The following RGPD1 variants were observed in gnomAD, a reference collection of about 807,000 sequenced individuals.
The protein encoded by RGPD1 is RANBP2 like and GRIP domain containing 1.
A neutral mutation model predicts 40.6 loss-of-function variants in RGPD1; 7 were observed. The observed-to-expected ratio is 0.17, with a 90% CI of 0.10 to 0.32. The LOEUF is 0.32. Among genes scored for constraint, RGPD1 ranks in the 10% least tolerant of loss-of-function variants. The pLI is 1.00. For synonymous variants in RGPD1, 24 were observed against 167.0 expected, an observed-to-expected ratio of 0.14 and a Z score of 6.60; for missense variants, 50 against 472.5, an observed-to-expected ratio of 0.11 and a Z score of 8.29.
upstream of RGPD1, chr2:86,913,672 T>G (rs1263388562): frequency 1.8e-5 from 24 of 1,298,118 alleles, no homozygotes; most frequent in East Asian, 7.8e-4. Flanking sequence ...CCCGGCCGAG[T>G]GCAGCTGGAG....
intron 1 of RGPD1, among the ~76,000 whole-genome samples, chr2:86,919,770 AAATAT>A (rs1406169790): frequency 7.5e-6 from 1 of 133,306 alleles, no homozygotes; most frequent in Admixed American, 7.7e-5. Flanking sequence ...TCACTTAATT[AAATAT>A]AATATACTGT....
chr2:86,943,053 C>T (rs886700243), intron 1 of RGPD1, among the ~76,000 whole-genome samples: 8 of 151,062 alleles, frequency 5.3e-5, no homozygotes, highest in Non-Finnish European at 7.4e-5. Flanking sequence ...TATGCTGCGG[C>T]GGAGGTCGTA....
intron 1 of RGPD1, among the ~76,000 whole-genome samples, chr2:86,945,327 A>G: frequency 6.6e-6 from 1 of 152,226 alleles, no homozygotes; most frequent in East Asian, 1.9e-4. Flanking sequence ...ACTTTGGAAC[A>G]TGTGAAGCTA....
At chr2:86,948,994 AC>A (rs1426776384) in intron 1 of RGPD1, among the ~76,000 whole-genome samples, 1 of 111,984 alleles carries the variant, frequency 8.9e-6, no homozygotes, top group African/African-American at 3.5e-5. Context: ...CGTTGCTGGT[AC>A]AGTAGTCCCT....
At chr2:86,939,300 G>C (rs1679559036), upstream of RGPD1, among the ~76,000 whole-genome samples, 1 of 146,064 alleles carries the variant, frequency 6.8e-6, no homozygotes, top group Admixed American at 6.8e-5. Context: ...TGGATGCTGG[G>C]CACGGTGGAT....
At chr2:86,956,029 T>G (rs1325453346) in intron 4 of RGPD1, among the ~76,000 whole-genome samples, 1 of 150,876 alleles carries the variant, frequency 6.6e-6, no homozygotes, top group African/African-American at 2.5e-5. Flanking sequence ...ATTTTTTTTT[T>G]TTTTGGAATT....
rs1201268619 is a variant in RGPD1, at chr2:86,930,546, C to T, written c.72+16625C>T. 10 of 1,576,604 alleles carry T rather than the reference C, an allele frequency of 6.3e-6. No homozygotes were observed. The Admixed American group carries it at 1.5e-4, about 24-fold the overall frequency. On this transcript the variant is annotated intron_variant, in intron 1 of 22. Coordinates refer to the RGPD1 transcript ENST00000398193. Reference sequence around the variant, plus strand: ...TCGGTGGCGGAAGGCCCAACAGCAGCTAAAGAGGATGAGGACAGTCCAGAG... The same window carrying T: ...TCGGTGGCGGAAGGCCCAACAGCAGTTAAAGAGGATGAGGACAGTCCAGAG...
chr2:86,956,307 G>A (rs1680728712), intron 4 of RGPD1, among the ~76,000 whole-genome samples: 1 of 102,328 alleles, frequency 9.8e-6, no homozygotes, highest in Non-Finnish European at 1.9e-5. Context: ...AGGAGAAATT[G>A]ATAAAGGAGA....
At chr2:86,964,068 A>G in intron 7 of RGPD1, among the ~76,000 whole-genome samples, 1 of 76,006 alleles carries the variant, frequency 1.3e-5, no homozygotes, top group Admixed American at 1.2e-4. Context: ...TTTGAGACGG[A>G]GTCTCGCTCT....
At chr2:86,997,346 C>T (rs1286789880) in intron 21 of RGPD1, among the ~76,000 whole-genome samples, 1 of 35,700 alleles carries the variant, frequency 2.8e-5, no homozygotes, top group Non-Finnish European at 5.5e-5. Flanking sequence ...GTTGGAGTTC[C>T]GGTTTTCATG....
intron 1 of RGPD1, among the ~76,000 whole-genome samples, chr2:86,924,000 C>CT (rs748974286): frequency 1.2e-5 from 1 of 85,024 alleles, no homozygotes; most frequent in Non-Finnish European, 2.3e-5. Context: ...GTAGTTTGTG[C>CT]TTTTTTATTG....
In RGPD1 at chr2:86,914,008, CGG is replaced by C; in HGVS notation, c.72+88_72+89del. On this transcript the variant is annotated intron_variant, in intron 1 of 22. Transcript: ENST00000398193. ...CGGGCGGCGGCGGCGGCCTCGGCCTCGGCCTGGCCGGGCGGCGGCGGCGGCGG... is the reference window on the plus strand; with the variant it reads ...CGGGCGGCGGCGGCGGCCTCGGCCTCCCTGGCCGGGCGGCGGCGGCGGCGG... The C allele has an allele frequency of 7.4e-6, 5 of 675,626 alleles. 1 individual carries two copies. Among genetic ancestry groups the C allele is most frequent in the Non-Finnish European group, 8.5e-6 (5 of 589,298 alleles). The allele number at this position is 675,626 out of a possible 1,614,324, so 41.9% of individuals were successfully genotyped here.
At chr2:86,924,713 C>T (rs1343438290) in intron 1 of RGPD1, among the ~76,000 whole-genome samples, 1 of 151,818 alleles carries the variant, frequency 6.6e-6, no homozygotes, top group African/African-American at 2.4e-5. Flanking sequence ...CTCAAGCAGT[C>T]CTCCTGCCCC....
chr2:86,923,343 A>G (rs1169842945), intron 1 of RGPD1, among the ~76,000 whole-genome samples: 1 of 151,370 alleles, frequency 6.6e-6, no homozygotes, highest in East Asian at 2.0e-4. Context: ...CCTGGCCTCC[A>G]TGGTGTTATT....
rs575686097 is a variant in RGPD1, at chr2:86,924,641, T to A, written c.72+10720T>A. The stretch of plus-strand genomic sequence containing the variant: ...CATCATGCCTGGCTAATTTTTAAAT[T>A]TTTTTGGCAGAGACAAGGTCTTACT... On this transcript the variant is annotated intron_variant, in intron 1 of 22. Coordinates refer to the RGPD1 transcript ENST00000398193. Among the ~76,000 whole-genome samples the A allele has an allele frequency of 2.2e-3, 328 of 151,070 alleles. 3 individuals are homozygous for A. Among genetic ancestry groups the A allele is most frequent in the Non-Finnish European group, 4.0e-3 (268 of 67,374 alleles).
chr2:86,942,660 C>T (rs1020741925), intron 1 of RGPD1, among the ~76,000 whole-genome samples: 1 of 134,726 alleles, frequency 7.4e-6, no homozygotes, highest in Non-Finnish European at 1.6e-5. Flanking sequence ...CCTGGCCGGG[C>T]GGCGGCGGCG....
intron 1 of RGPD1, among the ~76,000 whole-genome samples, chr2:86,943,289 G>A (rs1225262230): frequency 8.3e-5 from 5 of 60,502 alleles, no homozygotes; most frequent in East Asian, 3.8e-4. Flanking sequence ...CCCCCACCCC[G>A]CCCAGAACAC....
chr2:86,942,867 C>G (rs899432327), intron 1 of RGPD1, among the ~76,000 whole-genome samples: 1 of 151,990 alleles, frequency 6.6e-6, no homozygotes, highest in East Asian at 1.9e-4. Context: ...GGCGGGATAC[C>G]TTTGGCGCCG....
intron 1 of RGPD1, among the ~76,000 whole-genome samples, chr2:86,933,488 T>C (rs1679126866): frequency 6.9e-6 from 1 of 145,684 alleles, no homozygotes; most frequent in East Asian, 1.9e-4. Context: ...ATAATTGTCA[T>C]CTGAAAAAGG....
Sources: allele counts gnomAD v4.1 joint callset (sites outside exome capture counted in the v4.1 genomes callset), GRCh38; gene constraint gnomAD v4.1.1; transcripts MANE v1.5; gene names NCBI Gene and HGNC (gene_info 2026-07-23, HGNC 2026-07-21).